ZNF251: variants seen among roughly 807,000 people sequenced by gnomAD.
The protein encoded by ZNF251 is zinc finger protein 251.
A neutral mutation model predicts 13.5 loss-of-function variants in ZNF251; 14 were observed. The observed-to-expected ratio is 1.04, with a 90% CI of 0.69 to 1.63. The LOEUF (loss-of-function observed/expected upper bound fraction) is 1.63. Among genes scored for constraint, ZNF251 ranks in the 40% most tolerant of loss-of-function variants. The pLI is 0.00. For missense variants in ZNF251, 764 were observed against 834.9 expected (o/e 0.92, Z 1.05); for synonymous variants, 287 against 295.2 (o/e 0.97, Z 0.28).
intron 4 of ZNF251, 24 bp from the exon 5 acceptor site, chr8:144,723,406 G>A (rs1823428036): frequency 7.1e-7 from 1 of 1,414,252 alleles, no homozygotes; most frequent in South Asian, 1.7e-5. Context: ...ATATAAATGA[G>A]TTACTAGAGA....
At position 144,722,247 on chromosome 8, in the gene ZNF251, G is replaced by C. The variant is rs1823390748; in HGVS notation, c.1413C>G (p.Ser471Arg). The change falls in exon 5 of 5, where the codon AGC (serine) becomes AGG (arginine). Residue 471 changes from serine (S) to arginine (R), a missense_variant. By Grantham distance (110) the Ser-to-Arg change is moderately radical (BLOSUM62 -1). Transcript: ENST00000292562. The surrounding 1 kb of genome is among the most constrained non-coding windows in gnomAD (Gnocchi z 4.8). The part of the protein sequence containing the change: ...YQCVECGKAF[S>R]QSSQLTLHQR... ...GATGTAGGGTGAGCTGGGAGCTCTG[G>C]CTGAAAGCTTTCCCACATTCAACGC... 4.3e-6 allele frequency: 7 copies of C among 1,612,864 alleles called. No homozygotes were observed. The highest frequency in any genetic ancestry group is 5.9e-6 in the Non-Finnish European group (7 of 1,179,720).
chr8:144,729,402 T>C (rs1311578707), intron 4 of ZNF251, among the ~76,000 whole-genome samples: 4 of 150,270 alleles, frequency 2.7e-5, no homozygotes, highest in Non-Finnish European at 5.9e-5. Flanking sequence ...AGTGGCGCAA[T>C]CTCGGCTCAC....
At chr8:144,732,571 G>T (rs955082254) in intron 4 of ZNF251, among the ~76,000 whole-genome samples, 7 of 152,038 alleles carry the variant, frequency 4.6e-5, no homozygotes, top group Non-Finnish European at 7.4e-5. Flanking sequence ...CCAGCACTTG[G>T]GGAGGCCAAG....
At chr8:144,730,159 G>T (rs920779149) in intron 4 of ZNF251, 2 of 966,506 alleles carry the variant, frequency 2.1e-6, no homozygotes, top group South Asian at 4.8e-5. Context: ...GAAGTGGAGA[G>T]CCATGTTTTA....
chr8:144,742,319 A>T (rs1294606927), intron 4 of ZNF251, among the ~76,000 whole-genome samples: 1 of 152,188 alleles, frequency 6.6e-6, no homozygotes, highest in Non-Finnish European at 1.5e-5. Flanking sequence ...CTGAAGGGAA[A>T]TGGTGCCAGC....
Position 144,722,889 on chromosome 8 carries a change from G to A in ZNF251, c.771C>T (p.His257=). ...TAAATGGTTTATTTCCAGTGTGAAT[G>A]TGATGGTGCAGAACAAGATTTGAGC... The part of the protein sequence containing the change: ...THSSNLVLHH[H]IHTGNKPFKC... Residue 257 remains histidine, a synonymous_variant, in exon 5 of 5, where the codon CAC becomes CAT. Transcript: ENST00000292562. The surrounding 1 kb of genome is among the most constrained non-coding windows in gnomAD (Gnocchi z 4.8). 1 of 1,613,988 alleles carries A rather than the reference G, an allele frequency of 6.2e-7. No homozygotes were observed. Among genetic ancestry groups the A allele is most frequent in the Non-Finnish European group, 8.5e-7 (1 of 1,179,892 alleles).
chr8:144,754,277 C>T lies in ZNF251; in HGVS notation c.78G>A (p.Gln26=), dbSNP rs759595419. 10 of 1,613,358 alleles carry T rather than the reference C, an allele frequency of 6.2e-6. No homozygotes were observed. Among genetic ancestry groups the T allele is most frequent in the African/African-American group, 1.3e-5 (1 of 74,942 alleles). ...GGGGGCCCAGCTGCCGCCCCTCCGCCTGAGAGAAGTACACGGCCACATCCT... is the reference window on the plus strand; with the variant it reads ...GGGGGCCCAGCTGCCGCCCCTCCGCTTGAGAGAAGTACACGGCCACATCCT... ...TFQDVAVYFS[Q]AEGRQLGPQQ... Residue 26 remains glutamine (Q), a synonymous_variant, in exon 3 of 5, where the codon CAG becomes CAA. Transcript: ENST00000292562.
chr8:144,746,128 T>C (rs538696741), intron 4 of ZNF251, among the ~76,000 whole-genome samples: 2 of 152,356 alleles, frequency 1.3e-5, no homozygotes, highest in African/African-American at 4.8e-5. Context: ...GTAGATTTTC[T>C]GTAGATGCTC....
intron 4 of ZNF251, among the ~76,000 whole-genome samples, chr8:144,747,270 ATCTT>A (rs1328166893): frequency 6.6e-6 from 1 of 152,184 alleles, no homozygotes; most frequent in Non-Finnish European, 1.5e-5. Context: ...TTTTCTAGCT[ATCTT>A]TCTGGTTTCA....
rs1412370273 is a variant in ZNF251, at chr8:144,734,633, G to A, written c.278-11251C>T. On this transcript the variant is annotated intron_variant, in intron 4 of 4. Transcript: ENST00000292562. This position sits in a 1 kb window ranked among gnomAD's most constrained non-coding sequence, Gnocchi z 4.4. The stretch of plus-strand genomic sequence containing the variant: ...AGAGGTCACTGGGACACCCTGAAGA[G>A]GGAGGCGCTGCCTGAAAGGTAGGGA... 2.0e-5 allele frequency among the ~76,000 whole-genome samples: 3 copies of A among 152,216 alleles called. No homozygotes were observed. Among genetic ancestry groups the A allele is most frequent in the African/African-American group, 7.2e-5 (3 of 41,450 alleles).
chr8:144,745,373 C>A, intron 4 of ZNF251, among the ~76,000 whole-genome samples: 1 of 151,724 alleles, frequency 6.6e-6, no homozygotes, highest in East Asian at 1.9e-4. Context: ...GTTTTTTGAC[C>A]AATACCACAC....
chr8:144,723,173 T>C lies in ZNF251; in HGVS notation c.487A>G (p.Arg163Gly), dbSNP rs1823420603. ...CCCACGGTAGCTTCTGTTAAAACTC[T>C]CTTGTGAATATTGGGTTTGTTCAAA... The part of the protein sequence containing the change: ...QSLNKPNIHK[R>G]VLTEATVGRE... Residue 163 changes from arginine (R) to glycine (G), a missense_variant, in exon 5 of 5, where the codon AGA becomes GGA. Physicochemically the swap from Arg to Gly is moderately radical, Grantham distance 125. Transcript: ENST00000292562. The C allele has an allele frequency of 6.2e-7, 1 of 1,612,414 alleles. No homozygotes were observed. Among genetic ancestry groups the C allele is most frequent in the African/African-American group, 1.3e-5 (1 of 74,946 alleles).
chr8:144,739,684 A>G (rs1479837698), intron 4 of ZNF251, among the ~76,000 whole-genome samples: 1 of 152,050 alleles, frequency 6.6e-6, no homozygotes, highest in Non-Finnish European at 1.5e-5. Context: ...AAATTGCTTG[A>G]GCCCAGGAGT....
At chr8:144,752,154 A>C (rs1361554256) in intron 4 of ZNF251, among the ~76,000 whole-genome samples, 1 of 151,390 alleles carries the variant, frequency 6.6e-6, no homozygotes, top group Non-Finnish European at 1.5e-5. Context: ...AAAAAAAAAA[A>C]AAATCAGCAA....
At chr8:144,725,489 C>G (rs751743593) in intron 4 of ZNF251, among the ~76,000 whole-genome samples, 15 of 151,340 alleles carry the variant, frequency 9.9e-5, no homozygotes, top group Non-Finnish European at 1.8e-4. Context: ...GACAGGGTCT[C>G]ACTGTGTTGC....
intron 1 of ZNF251, chr8:144,755,161 C>A: frequency 1.7e-6 from 2 of 1,181,834 alleles, no homozygotes; most frequent in Non-Finnish European, 2.1e-6. Context: ...GAGAAGGAGG[C>A]CGCGGGGATG....
At chr8:144,729,775 A>G (rs528542264) in intron 4 of ZNF251, among the ~76,000 whole-genome samples, 2 of 152,110 alleles carry the variant, frequency 1.3e-5, no homozygotes, top group South Asian at 4.2e-4. Flanking sequence ...ATGAGAGGAG[A>G]GCTTGAGCCC....
Position 144,722,635 on chromosome 8 carries a change from A to C in ZNF251, c.1025T>G (p.Ile342Ser), listed in dbSNP as rs375110881. 111 of 1,613,690 alleles carry C rather than the reference A, an allele frequency of 6.9e-5. No homozygotes were observed. Among genetic ancestry groups the C allele is most frequent in the Non-Finnish European group, 8.5e-5 (100 of 1,179,922 alleles). ...QSPQLTQHQR[I>S]HTGEKPHECS... ...TTCATGCGGCTTCTCTCCAGTGTGA[A>C]TTCTCTGATGCTGAGTTAACTGGGG... Residue 342 changes from isoleucine (I) to serine (S), a missense_variant, in exon 5 of 5, where the codon ATT becomes AGT. Coordinates refer to ENST00000292562, the MANE Select transcript of ZNF251 (RefSeq NM_138367.2). The surrounding 1 kb of genome is among the most constrained non-coding windows in gnomAD (Gnocchi z 4.8).
At chr8:144,728,503 A>G (rs1314936709) in intron 4 of ZNF251, among the ~76,000 whole-genome samples, 2 of 151,712 alleles carry the variant, frequency 1.3e-5, no homozygotes, top group Admixed American at 1.3e-4. Flanking sequence ...CTCTACTAAA[A>G]ATACAAAAAA....
Sources: allele counts gnomAD v4.1 joint callset (sites outside exome capture counted in the v4.1 genomes callset), GRCh38; gene constraint gnomAD v4.1.1; non-coding constraint Gnocchi (gnomAD v3.1); transcripts MANE v1.5; gene names NCBI Gene and HGNC (gene_info 2026-07-23, HGNC 2026-07-21).